FGF12: variants seen among roughly 807,000 people sequenced by gnomAD.
FGF12 encodes fibroblast growth factor 12B.
FGF12 carries 14 observed loss-of-function variants against 23.6 expected under a neutral mutation model. The observed-to-expected ratio is 0.59, with a 90% CI of 0.39 to 0.93. FGF12 has a LOEUF of 0.93. Ranked by LOEUF, FGF12 falls within the 40% of genes least tolerant of loss-of-function variation. The pLI, the probability that FGF12 is intolerant of heterozygous loss-of-function variation, is 0.00. For missense variants in FGF12, 175 were observed against 217.8 expected, an observed-to-expected ratio of 0.80 and a Z score of 1.24; for synonymous variants, 62 against 77.3, an observed-to-expected ratio of 0.80 and a Z score of 1.04.
At position 192,312,222 on chromosome 3, in the gene FGF12, T is replaced by C. The variant is rs188008775; in HGVS notation, c.228+23139A>G. Among the ~76,000 whole-genome samples the C allele has an allele frequency of 3.8e-4, 58 of 152,240 alleles. No individual in the cohort carries two copies. In the Middle Eastern group the frequency reaches 0.01, roughly 27 times the overall value. ...GGTTGTGCTTTAGATGTTATATCCA[T>C]GAAACCACTGCTTAATCCAAGGTCA... On this transcript the variant is annotated intron_variant, in intron 4 of 5. Transcript: ENST00000445105.
intron 4 of FGF12, among the ~76,000 whole-genome samples, chr3:192,174,733 C>A (rs1421214655): frequency 6.8e-6 from 1 of 147,190 alleles, no homozygotes; most frequent in Non-Finnish European, 1.5e-5. Flanking sequence ...CAGAGCCCTA[C>A]ACGTGGAGTA....
At chr3:192,190,015 A>T (rs1716692813) in intron 4 of FGF12, among the ~76,000 whole-genome samples, 1 of 152,194 alleles carries the variant, frequency 6.6e-6, no homozygotes, top group South Asian at 2.1e-4. Context: ...TTTTTAATGG[A>T]TCAGGACAAA....
intron 4 of FGF12, among the ~76,000 whole-genome samples, chr3:192,249,811 G>A (rs1360055042): frequency 6.6e-6 from 1 of 152,100 alleles, no homozygotes; most frequent in Admixed American, 6.6e-5. Context: ...GAACAATGAG[G>A]CAATCATTAC....
intron 2 of FGF12, among the ~76,000 whole-genome samples, chr3:192,566,895 C>A (rs896418642): frequency 1.3e-5 from 2 of 152,158 alleles, no homozygotes; most frequent in Admixed American, 6.5e-5. Flanking sequence ...GTATAGGGTA[C>A]AAGCAGCAAG....
intron 4 of FGF12, among the ~76,000 whole-genome samples, chr3:192,224,635 T>G (rs1417189424): frequency 6.6e-6 from 1 of 152,096 alleles, no homozygotes; most frequent in Non-Finnish European, 1.5e-5. Flanking sequence ...GAGTCACTCT[T>G]AAAAGAAAAA....
At chr3:192,588,031 G>GT (rs1197978925) in intron 2 of FGF12, among the ~76,000 whole-genome samples, 3 of 151,790 alleles carry the variant, frequency 2.0e-5, no homozygotes, top group South Asian at 4.2e-4. Flanking sequence ...TTTTATAGAA[G>GT]TTTTTAACAA....
At chr3:192,192,603 C>T (rs1716852035) in intron 4 of FGF12, among the ~76,000 whole-genome samples, 1 of 151,484 alleles carries the variant, frequency 6.6e-6, no homozygotes, top group Non-Finnish European at 1.5e-5. Context: ...CTTTTTTCTT[C>T]TCTCCACACT....
At chr3:192,689,518 A>G (rs960585289) in intron 2 of FGF12, among the ~76,000 whole-genome samples, 6 of 152,134 alleles carry the variant, frequency 3.9e-5, no homozygotes, top group Admixed American at 3.3e-4. Flanking sequence ...AAATAATACA[A>G]TGACTGAACA....
intron 2 of FGF12, among the ~76,000 whole-genome samples, chr3:192,673,724 C>T (rs1026228952): frequency 1.3e-5 from 2 of 151,166 alleles, no homozygotes; most frequent in African/African-American, 4.8e-5. Context: ...GATCTCATTC[C>T]TTTTCTATGG....
At chr3:192,528,063 T>C (rs2108849503) in intron 2 of FGF12, among the ~76,000 whole-genome samples, 1 of 152,148 alleles carries the variant, frequency 6.6e-6, no homozygotes, top group Non-Finnish European at 1.5e-5. Context: ...CCCTCCCAAA[T>C]CTCATATCCT....
chr3:192,567,765 C>CTTTCTT (rs1712385526), intron 2 of FGF12, among the ~76,000 whole-genome samples: 2 of 132,230 alleles, frequency 1.5e-5, no homozygotes, highest in Admixed American at 7.6e-5. Flanking sequence ...TTCTTTCTTT[C>CTTTCTT]TTTCTTTCTT....
At chr3:192,715,443 T>C (rs371898185) in intron 2 of FGF12, among the ~76,000 whole-genome samples, 3 of 152,346 alleles carry the variant, frequency 2.0e-5, no homozygotes, top group East Asian at 1.9e-4. Flanking sequence ...TATCAATGTC[T>C]CTCTACCTTT....
rs1308054040 is a variant in FGF12, at chr3:192,238,487, T to C, written c.229-67831A>G. ...GGGGAGACAATGGGTGGATGCATAA[T>C]GGTAGGGGTCCACCAGGTCGTTTTC... is the stretch of plus-strand genomic sequence containing the variant. On this transcript the variant is annotated intron_variant, in intron 4 of 5. Coordinates refer to ENST00000445105, the MANE Select transcript of FGF12 (RefSeq NM_004113.6). The C allele has an allele frequency of 2.0e-5, 3 of 152,162 alleles. No homozygotes were observed. The East Asian group carries it at 5.8e-4, about 29-fold the overall frequency. The allele number at this position is 152,162 out of a possible 1,614,324, so 9.4% of individuals were successfully genotyped here.
chr3:192,427,358 G>A (rs557782777), intron 2 of FGF12, among the ~76,000 whole-genome samples: 6 of 148,084 alleles, frequency 4.1e-5, no homozygotes, highest in South Asian at 2.2e-4. Context: ...CAGCCTGGGC[G>A]ACAGAGCAGG....
chr3:192,715,872 A>G (rs143469105), intron 2 of FGF12, among the ~76,000 whole-genome samples: 1 of 152,282 alleles, frequency 6.6e-6, no homozygotes, highest in Non-Finnish European at 1.5e-5. Context: ...ACGTCCAAGC[A>G]TGGATCCTTG....
chr3:192,494,845 T>C (rs201633155), intron 2 of FGF12, among the ~76,000 whole-genome samples: 1 of 13,090 alleles, frequency 7.6e-5, no homozygotes, highest in Non-Finnish European at 4.8e-4. Context: ...CCTATGCATA[T>C]ATATATATAT....
intron 2 of FGF12, among the ~76,000 whole-genome samples, chr3:192,478,678 G>A (rs912808990): frequency 3.3e-5 from 5 of 152,022 alleles, no homozygotes; most frequent in Non-Finnish European, 7.4e-5. Flanking sequence ...ACTAGACTGT[G>A]GAAAAGCATA....
At chr3:192,493,589 G>A (rs909700448) in intron 2 of FGF12, among the ~76,000 whole-genome samples, 1 of 152,140 alleles carries the variant, frequency 6.6e-6, no homozygotes, top group Non-Finnish European at 1.5e-5. Context: ...CAGTTCTACA[G>A]ACTGTACAGG....
chr3:192,159,575 T>A (rs1412902506), intron 5 of FGF12, among the ~76,000 whole-genome samples: 3 of 152,262 alleles, frequency 2.0e-5, no homozygotes, highest in Admixed American at 2.0e-4. Flanking sequence ...GTCAAGGTGG[T>A]ATTACTAATA....
Sources: gnomAD v4.1 joint callset for allele counts (sites outside exome capture counted in the v4.1 genomes callset) on GRCh38, gnomAD v4.1.1 for gene constraint, MANE v1.5 for transcripts, NCBI Gene and HGNC (gene_info 2026-07-23, HGNC 2026-07-21) for gene names.